ANKS1B: variants seen among roughly 807,000 people sequenced by gnomAD.
ANKS1B encodes the protein ankyrin repeat and sterile alpha motif domain containing 1B.
Under a neutral mutation model 148.3 loss-of-function variants are expected in ANKS1B, and 36 were observed. The observed-to-expected ratio is 0.24, with a 90% CI of 0.19 to 0.32. ANKS1B has a LOEUF of 0.32. ANKS1B is among the 10% of genes least tolerant of loss of function. The pLI is 1.00. For missense variants in ANKS1B, 1,157 were observed against 1,542.6 expected (o/e 0.75, Z 4.19); for synonymous variants, 542 against 560.8 (o/e 0.97, Z 0.47).
intron 14 of ANKS1B, among the ~76,000 whole-genome samples, chr12:99,212,566 C>A (rs1457356793): frequency 6.6e-6 from 1 of 152,136 alleles, no homozygotes; most frequent in Non-Finnish European, 1.5e-5. Flanking sequence ...TATACCAGTG[C>A]CTACTGTATT....
chr12:99,738,272 T>A (rs2059791764), intron 8 of ANKS1B, among the ~76,000 whole-genome samples: 1 of 152,182 alleles, frequency 6.6e-6, no homozygotes, highest in South Asian at 2.1e-4. Context: ...AGTACTTATT[T>A]TATTATTTCC....
intron 8 of ANKS1B, among the ~76,000 whole-genome samples, chr12:99,665,371 A>C (rs1443620968): frequency 1.3e-5 from 2 of 152,166 alleles, no homozygotes; most frequent in East Asian, 3.9e-4. Context: ...TAGTACTTTT[A>C]ATATACATTT....
At chr12:99,365,321 T>G (rs2092706751) in intron 12 of ANKS1B, among the ~76,000 whole-genome samples, 1 of 152,148 alleles carries the variant, frequency 6.6e-6, no homozygotes, top group South Asian at 2.1e-4. Flanking sequence ...TGTCAGACAT[T>G]GAGTCACCCA....
At chr12:99,632,755 A>T (rs1355542152) in intron 9 of ANKS1B, among the ~76,000 whole-genome samples, 8 of 82,054 alleles carry the variant, frequency 9.7e-5, no homozygotes, top group African/African-American at 3.6e-4. Context: ...ATATATATAT[A>T]TATATATATA....
At chr12:99,192,720 A>G (rs1262894027) in intron 14 of ANKS1B, among the ~76,000 whole-genome samples, 1 of 150,948 alleles carries the variant, frequency 6.6e-6, no homozygotes, top group Non-Finnish European at 1.5e-5. Flanking sequence ...ACCATCTGTT[A>G]TAATATAACA....
chr12:98,901,364 A>C (rs2099771748), intron 17 of ANKS1B, among the ~76,000 whole-genome samples: 1 of 152,232 alleles, frequency 6.6e-6, no homozygotes, highest in African/African-American at 2.4e-5. Flanking sequence ...TGAACGAGAA[A>C]GTCTGAGGTC....
chr12:99,041,460 C>T (rs1390805496), intron 17 of ANKS1B, among the ~76,000 whole-genome samples: 1 of 152,128 alleles, frequency 6.6e-6, no homozygotes, highest in African/African-American at 2.4e-5. Context: ...CATGATCACA[C>T]AGTGTGTTTA....
intron 15 of ANKS1B, chr12:99,099,795 A>C (rs1361961844): frequency 6.6e-6 from 1 of 152,262 alleles, no homozygotes; most frequent in Admixed American, 6.5e-5. Context: ...TTTACACAGA[A>C]CATTAAATAG....
At chr12:98,955,790 T>G (rs1451177784) in intron 17 of ANKS1B, among the ~76,000 whole-genome samples, 2 of 152,144 alleles carry the variant, frequency 1.3e-5, no homozygotes, top group Non-Finnish European at 2.9e-5. Flanking sequence ...TTAGGGAAGA[T>G]TAGGAACTTA....
At chr12:99,236,316 T>C (rs2087913488) in intron 14 of ANKS1B, among the ~76,000 whole-genome samples, 1 of 152,182 alleles carries the variant, frequency 6.6e-6, no homozygotes. Flanking sequence ...AGATACTACC[T>C]GAGACTGGGT....
At chr12:98,990,180 A>G (rs2153275816) in intron 17 of ANKS1B, among the ~76,000 whole-genome samples, 1 of 152,238 alleles carries the variant, frequency 6.6e-6, no homozygotes, top group Non-Finnish European at 1.5e-5. Context: ...TGTCTTCTTC[A>G]ATTTCTTTCA....
In ANKS1B at chr12:99,215,638, A is replaced by G. The variant is rs550930211; in HGVS notation, c.2419+28704T>C. 6.6e-5 allele frequency among the ~76,000 whole-genome samples: 10 copies of G among 152,354 alleles called. No homozygotes were observed. In the South Asian group the frequency reaches 1.9e-3, roughly 28 times the overall value. Reference sequence around the variant, plus strand: ...AGATCATTTTTGAACTTTAAGGTTTAATGACCGCCCTATTGGATTTTGGAC... The same window carrying G: ...AGATCATTTTTGAACTTTAAGGTTTGATGACCGCCCTATTGGATTTTGGAC... On this transcript the variant is annotated intron_variant, in intron 14 of 26. Coordinates refer to ENST00000683438, the MANE Select transcript of ANKS1B (RefSeq NM_001352186.2).
intron 8 of ANKS1B, among the ~76,000 whole-genome samples, chr12:99,668,423 T>G (rs2098520111): frequency 6.6e-6 from 1 of 152,126 alleles, no homozygotes; most frequent in African/African-American, 2.4e-5. Context: ...TATCTCATTT[T>G]TTTTAAATGT....
chr12:98,833,256 T>A (rs1169017501), intron 17 of ANKS1B, among the ~76,000 whole-genome samples: 1 of 152,224 alleles, frequency 6.6e-6, no homozygotes, highest in Non-Finnish European at 1.5e-5. Context: ...TTAAGTCACC[T>A]ACCCAAGAGC....
At chr12:99,433,316 T>C (rs1245445160) in intron 11 of ANKS1B, among the ~76,000 whole-genome samples, 1 of 152,180 alleles carries the variant, frequency 6.6e-6, no homozygotes, top group Non-Finnish European at 1.5e-5. Flanking sequence ...AAGTGCGCAT[T>C]CCATTAGCCA....
At chr12:99,167,571 A>G (rs909915760) in intron 14 of ANKS1B, among the ~76,000 whole-genome samples, 2 of 152,194 alleles carry the variant, frequency 1.3e-5, no homozygotes, top group Admixed American at 6.5e-5. Flanking sequence ...AATGATGCGA[A>G]TTAAGAGAAA....
intron 14 of ANKS1B, among the ~76,000 whole-genome samples, chr12:99,189,586 G>A (rs985851781): frequency 6.6e-5 from 10 of 152,122 alleles, no homozygotes; most frequent in Admixed American, 1.3e-4. Context: ...CAGAACCAAT[G>A]ACAAAAACCA....
At chr12:99,501,293 C>A (rs2096653120) in intron 10 of ANKS1B, among the ~76,000 whole-genome samples, 1 of 152,120 alleles carries the variant, frequency 6.6e-6, no homozygotes, top group Non-Finnish European at 1.5e-5. Flanking sequence ...TCCCTATAGG[C>A]TTAATTATTA....
rs144350217 is a variant in ANKS1B, at chr12:99,091,318, A to T, written c.2527-6295T>A. On this transcript the variant is annotated intron_variant, in intron 15 of 26. Transcript: ENST00000683438. ...TTCCCCTTTGAAACATCTGTTGTCA[A>T]GCTACAGAGAAAGAGAAGGAATTTA... Among the ~76,000 whole-genome samples, 711 of 152,298 alleles carry T rather than the reference A, an allele frequency of 4.7e-3. 2 individuals are homozygous for T. Among genetic ancestry groups the T allele is most frequent in the Non-Finnish European group, 7.6e-3 (517 of 68,006 alleles).
Sources: allele counts gnomAD v4.1 joint callset (sites outside exome capture counted in the v4.1 genomes callset), GRCh38; gene constraint gnomAD v4.1.1; transcripts MANE v1.5; gene names NCBI Gene and HGNC (gene_info 2026-07-23, HGNC 2026-07-21).